MCTP2: variants seen among roughly 807,000 people sequenced by gnomAD.
The protein encoded by MCTP2 is multiple C2 and transmembrane domain-containing protein 2.
In MCTP2, 132 loss-of-function variants were observed where a neutral mutation model predicts 111.6. That is an observed-to-expected ratio of 1.18 (90% confidence interval 1.03 to 1.37). The LOEUF (loss-of-function observed/expected upper bound fraction) is 1.37. Among genes scored for constraint, MCTP2 ranks in the 40% most tolerant of loss-of-function variants. The pLI is 0.00. For missense variants in MCTP2, 1,183 were observed against 1,067.9 expected, an observed-to-expected ratio of 1.11 and a Z score of -1.50; for synonymous variants, 395 against 387.7, an observed-to-expected ratio of 1.02 and a Z score of -0.22.
chr15:94,325,540 C>T (rs2076824395), intron 4 of MCTP2, among the ~76,000 whole-genome samples: 1 of 152,108 alleles, frequency 6.6e-6, no homozygotes, highest in African/African-American at 2.4e-5. Flanking sequence ...GTTCCTCCCC[C>T]TGCCGCCACC....
At chr15:94,314,449 A>AG in intron 3 of MCTP2, 105 bp downstream of exon 3, 1 of 894,646 alleles carries the variant, frequency 1.1e-6, no homozygotes, top group Non-Finnish European at 1.7e-6. Flanking sequence ...AAAAAAAAAA[A>AG]AAATGCCAAA....
At chr15:94,370,221 T>G in intron 12 of MCTP2, 41 bp downstream of exon 12, 1 of 1,525,748 alleles carries the variant, frequency 6.6e-7, no homozygotes, top group Non-Finnish European at 9.0e-7. Context: ...TTTATTTATT[T>G]CCTGCTTTGA....
At chr15:94,407,450 C>T (rs1276655258) in intron 17 of MCTP2, among the ~76,000 whole-genome samples, 2 of 152,138 alleles carry the variant, frequency 1.3e-5, no homozygotes, top group Non-Finnish European at 2.9e-5. Context: ...TACCATATAT[C>T]AACGAGTATC....
intron 17 of MCTP2, among the ~76,000 whole-genome samples, chr15:94,413,911 CT>C: frequency 6.6e-6 from 1 of 152,088 alleles, no homozygotes; most frequent in South Asian, 2.1e-4. Flanking sequence ...TTTTAAATTG[CT>C]TTTTGTGACT....
At chr15:94,345,316 C>CCTGGTCTCGATATCCAGACCTCGTGA in intron 8 of MCTP2, 152 bp downstream of exon 8, 1 of 734,684 alleles carries the variant, frequency 1.4e-6, no homozygotes, top group Non-Finnish European at 2.2e-6. Flanking sequence ...AACAACCTTC[C>CCTGGTCTCGATATCCAGACCTCGTGA]TTTAAAAATT....
At chr15:94,369,081 A>G (rs2079351384) in intron 11 of MCTP2, among the ~76,000 whole-genome samples, 1 of 152,206 alleles carries the variant, frequency 6.6e-6, no homozygotes, top group South Asian at 2.1e-4. Context: ...TAAATTGTAA[A>G]AGCATTTCAT....
chr15:94,295,622 C>T (rs866603697), intron 1 of MCTP2, among the ~76,000 whole-genome samples: 51 of 152,104 alleles, frequency 3.4e-4, no homozygotes, highest in African/African-American at 1.2e-3. Flanking sequence ...AAGGTACTGG[C>T]CACCTTCTCC....
intron 20 of MCTP2, among the ~76,000 whole-genome samples, chr15:94,464,259 A>ATAT (rs1567764847): frequency 1.9e-4 from 8 of 42,140 alleles, no homozygotes; most frequent in East Asian, 1.5e-3. Context: ...TATATATATT[A>ATAT]TATATATATA....
chr15:94,424,172 A>C (rs536668524), intron 17 of MCTP2, among the ~76,000 whole-genome samples: 1 of 152,180 alleles, frequency 6.6e-6, no homozygotes, highest in African/African-American at 2.4e-5. Context: ...GCATTTATTT[A>C]CTTAGTATCG....
intron 14 of MCTP2, among the ~76,000 whole-genome samples, chr15:94,394,990 T>A (rs989161654): frequency 6.6e-6 from 1 of 152,182 alleles, no homozygotes; most frequent in African/African-American, 2.4e-5. Context: ...CCATGCTGCC[T>A]CTACTGGCTG....
intron 4 of MCTP2, among the ~76,000 whole-genome samples, chr15:94,335,060 C>T (rs1286817295): frequency 6.6e-6 from 1 of 152,154 alleles, no homozygotes; most frequent in African/African-American, 2.4e-5. Context: ...TGGTCTGGTG[C>T]CAGCTTTCTC....
rs114449611 is a variant in MCTP2, at chr15:94,368,983, G to A, written c.1489-1104G>A. Among the ~76,000 whole-genome samples the A allele has an allele frequency of 4.0e-3, 605 of 152,262 alleles. 7 individuals are homozygous for A. Among genetic ancestry groups the A allele is most frequent in the African/African-American group, 0.014 (568 of 41,544 alleles). ...AGCTAGCCAGCACATTAGAGGGAAC[G>A]AATGCTGTTTCAAAGCACAAGTTAC... On this transcript the variant is annotated intron_variant, in intron 11 of 22. Coordinates refer to ENST00000357742, the MANE Select transcript of MCTP2 (RefSeq NM_001385001.1).
At chr15:94,425,723 G>A (rs1301832196) in intron 17 of MCTP2, among the ~76,000 whole-genome samples, 1 of 152,082 alleles carries the variant, frequency 6.6e-6, no homozygotes, top group East Asian at 1.9e-4. Context: ...ATGAGGCAGA[G>A]ATTAAACATA....
At chr15:94,442,820 G>C in intron 18 of MCTP2, 99 bp from the exon 19 acceptor site, 2 of 957,020 alleles carry the variant, frequency 2.1e-6, no homozygotes, top group Non-Finnish European at 3.4e-6. Context: ...AAATATAAAT[G>C]CTTGAAGTCT....
At chr15:94,318,272 A>ATTTT (rs199556945) in intron 4 of MCTP2, among the ~76,000 whole-genome samples, 12 of 143,124 alleles carry the variant, frequency 8.4e-5, no homozygotes, top group Non-Finnish European at 1.1e-4. Flanking sequence ...CAAAAAAAAA[A>ATTTT]TTTTTTTTTT....
chr15:94,249,248 T>A (rs1010280088), intron 1 of MCTP2, among the ~76,000 whole-genome samples: 2 of 152,238 alleles, frequency 1.3e-5, no homozygotes, highest in African/African-American at 4.8e-5. Flanking sequence ...ATGTGGACTT[T>A]CCTGTATTGG....
At chr15:94,245,373 C>T (rs1424654894) in intron 1 of MCTP2, among the ~76,000 whole-genome samples, 7 of 133,794 alleles carry the variant, frequency 5.2e-5, no homozygotes, top group Non-Finnish European at 9.3e-5. Context: ...TATTTACATA[C>T]ATATGTATAT....
chr15:94,393,913 G>A (rs923336074), intron 14 of MCTP2, among the ~76,000 whole-genome samples: 2 of 151,822 alleles, frequency 1.3e-5, no homozygotes, highest in African/African-American at 4.8e-5. Context: ...AGCTGGGCGT[G>A]GTGGCGTGCT....
At chr15:94,448,987 C>T (rs2084284126) in intron 19 of MCTP2, among the ~76,000 whole-genome samples, 1 of 152,118 alleles carries the variant, frequency 6.6e-6, no homozygotes, top group African/African-American at 2.4e-5. Flanking sequence ...TTGCGGTGAG[C>T]CGAGATCGTG....
Sources: gnomAD v4.1 joint callset for allele counts (sites outside exome capture counted in the v4.1 genomes callset) on GRCh38, gnomAD v4.1.1 for gene constraint, MANE v1.5 for transcripts, NCBI Gene and HGNC (gene_info 2026-07-23, HGNC 2026-07-21) for gene names.